Variants in ARRB1 observed in about 807,000 individuals in gnomAD.
ARRB1 encodes the protein arrestin beta 1.
Under a neutral mutation model 56.8 loss-of-function variants are expected in ARRB1, and 21 were observed. The ratio of observed to expected loss-of-function variants is 0.37; its 90% CI spans 0.26 to 0.53. The LOEUF (loss-of-function observed/expected upper bound fraction) is 0.53, where lower values mean the gene tolerates loss of function less well. ARRB1 is among the 20% of genes least tolerant of loss of function. ARRB1 has a pLI of 0.88. For synonymous variants in ARRB1, 210 were observed against 218.6 expected, an observed-to-expected ratio of 0.96 and a Z score of 0.35; for missense variants, 424 against 553.7, an observed-to-expected ratio of 0.77 and a Z score of 2.35.
chr11:75,316,391 G>A (rs112192657), intron 1 of ARRB1, among the ~76,000 whole-genome samples: 6 of 152,096 alleles, frequency 3.9e-5, no homozygotes, highest in Non-Finnish European at 7.4e-5. Flanking sequence ...AGAGGTGATC[G>A]GCTTCGTTTT....
chr11:75,310,525 C>T (rs1424846882), intron 1 of ARRB1, among the ~76,000 whole-genome samples: 4 of 152,182 alleles, frequency 2.6e-5, no homozygotes, highest in Admixed American at 6.5e-5. Context: ...TGTATCCAAC[C>T]GGCACCAGGC....
At chr11:75,300,188 G>A (rs1262265028) in intron 1 of ARRB1, among the ~76,000 whole-genome samples, 2 of 121,840 alleles carry the variant, frequency 1.6e-5, no homozygotes, top group Admixed American at 1.0e-4. Flanking sequence ...GGGCAACACA[G>A]TGAGACTCTG....
intron 1 of ARRB1, among the ~76,000 whole-genome samples, chr11:75,336,127 G>A (rs1947599455): frequency 6.6e-6 from 1 of 152,166 alleles, no homozygotes; most frequent in South Asian, 2.1e-4. Context: ...AGAAGGCAGT[G>A]GGCAGGCACG....
At chr11:75,296,907 A>G (rs1006453508) in intron 1 of ARRB1, among the ~76,000 whole-genome samples, 4 of 152,028 alleles carry the variant, frequency 2.6e-5, no homozygotes, top group Non-Finnish European at 5.9e-5. Context: ...CGAACTTCTA[A>G]GCTCTGCCTC....
chr11:75,301,777 T>C (rs563537412), intron 1 of ARRB1, among the ~76,000 whole-genome samples: 14 of 152,152 alleles, frequency 9.2e-5, no homozygotes, highest in Non-Finnish European at 1.8e-4. Context: ...GCAGAGTTAT[T>C]TGTGTACCGG....
At chr11:75,307,804 T>G (rs1947065130) in intron 1 of ARRB1, among the ~76,000 whole-genome samples, 1 of 152,214 alleles carries the variant, frequency 6.6e-6, no homozygotes, top group Non-Finnish European at 1.5e-5. Flanking sequence ...GCTGTGTGTC[T>G]GGGCAGAGGC....
chr11:75,312,838 C>A (rs1947191055), intron 1 of ARRB1, among the ~76,000 whole-genome samples: 1 of 152,210 alleles, frequency 6.6e-6, no homozygotes. Context: ...TTCTGGAAGC[C>A]AGCAGAGGCA....
rs1220126671 is a variant in ARRB1, at chr11:75,262,732, A to C, written c.*3431T>G. Among the ~76,000 whole-genome samples the C allele has an allele frequency of 6.6e-6, 1 of 152,218 alleles. No homozygotes were observed. Among genetic ancestry groups the C allele is most frequent in the African/African-American group, 2.4e-5 (1 of 41,460 alleles). On this transcript the variant is annotated 3_prime_UTR_variant, in exon 16 of 16. Transcript: ENST00000420843. ...CCCCAGAGGTTGAGTAGCTTGCCCAAGCCCCCCAGGTGGTTGGTGACAGGC... is the reference window on the plus strand; with the variant it reads ...CCCCAGAGGTTGAGTAGCTTGCCCACGCCCCCCAGGTGGTTGGTGACAGGC...
rs183499156 is a variant in ARRB1, at chr11:75,315,284, C to T, written c.21-25245G>A. ...TGCAACCTCCTCCTGGTGACCACCT[C>T]GCTATGGGACAGCCAGACAGAAGCC... is the stretch of plus-strand genomic sequence containing the variant. On this transcript the variant is annotated intron_variant, in intron 1 of 15. Coordinates refer to ENST00000420843, the MANE Select transcript of ARRB1 (RefSeq NM_004041.5). Among the ~76,000 whole-genome samples the T allele has an allele frequency of 5.1e-3, 780 of 152,166 alleles. 7 individuals carry two copies. Among genetic ancestry groups the T allele is most frequent in the African/African-American group, 0.018 (743 of 41,510 alleles).
At chr11:75,277,557 G>A (rs919838988) in intron 8 of ARRB1, 109 bp from the exon 9 acceptor site, 14 of 979,524 alleles carry the variant, frequency 1.4e-5, no homozygotes, top group African/African-American at 6.4e-5. Flanking sequence ...CAGACCTTGC[G>A]CAGACCTTCA....
intron 1 of ARRB1, among the ~76,000 whole-genome samples, chr11:75,327,904 A>G (rs1198320184): frequency 6.6e-6 from 1 of 152,212 alleles, no homozygotes. Context: ...GGAGTTTGAC[A>G]GCAGCCTGGG....
chr11:75,269,953 C>T (rs1416955273), intron 13 of ARRB1, among the ~76,000 whole-genome samples: 1 of 152,230 alleles, frequency 6.6e-6, no homozygotes, highest in African/African-American at 2.4e-5. Context: ...CAGGCACAAG[C>T]CACATCCCAC....
At position 75,327,599 on chromosome 11, in the gene ARRB1, G is replaced by GGT. The variant is rs55710203; in HGVS notation, c.20+23988_20+23989insAC. ...TTGTTTTGTTTTGTTTTTTGTTTTT[G>GGT]TTTTTTTTTTTTGAGTCTTGCTCTT... On this transcript the variant is annotated intron_variant, in intron 1 of 15. Coordinates refer to ENST00000420843, the MANE Select transcript of ARRB1 (RefSeq NM_004041.5). 4.2e-4 allele frequency among the ~76,000 whole-genome samples: 62 copies of GGT among 146,686 alleles called. 3 individuals carry two copies. The highest frequency in any genetic ancestry group is 1.3e-3 in the South Asian group (6 of 4,666).
intron 13 of ARRB1, among the ~76,000 whole-genome samples, chr11:75,270,394 C>T (rs553618252): frequency 1.4e-4 from 22 of 152,146 alleles, no homozygotes; most frequent in Non-Finnish European, 3.1e-4. Flanking sequence ...CTTTGGGAGG[C>T]CGAGGCGGGT....
intron 1 of ARRB1, chr11:75,312,023 C>T (rs1365819719): frequency 3.1e-6 from 4 of 1,287,394 alleles, no homozygotes; most frequent in Non-Finnish European, 3.0e-6. Context: ...AGATCGGAGG[C>T]CCTGCCCAGC....
At chr11:75,284,111 T>A in intron 4 of ARRB1, 124 bp downstream of exon 4, 1 of 1,000,772 alleles carries the variant, frequency 1.0e-6, no homozygotes. Context: ...CAACGGCATC[T>A]GTAGAGGTAT....
rs1945865560 is a variant in ARRB1 at position 75,264,437 on chromosome 11, G to C, written c.*1726C>G. 1 of 152,254 alleles carries C rather than the reference G, an allele frequency of 6.6e-6. No homozygotes were observed. Among genetic ancestry groups the C allele is most frequent in the Admixed American group, 6.5e-5 (1 of 15,286 alleles). The allele number at this position is 152,254 out of a possible 1,614,324, so 9.4% of individuals were successfully genotyped here. On this transcript the variant is annotated 3_prime_UTR_variant, in exon 16 of 16. Transcript: ENST00000420843. ...CTCAGGGTGTCTGTGCCCACAGGGG[G>C]CTGTGAGGTACTGCAAGCCCTATCA... is the stretch of plus-strand genomic sequence containing the variant.
Position 75,274,058 on chromosome 11 carries a change from G to A in ARRB1, c.914+16C>T, listed in dbSNP as rs764098470. 27 of 1,614,144 alleles carry A rather than the reference G, an allele frequency of 1.7e-5. No homozygotes were observed. The highest frequency in any genetic ancestry group is 2.3e-5 in the Non-Finnish European group (27 of 1,180,000). On this transcript the variant is annotated intron_variant, in intron 11 of 15. Transcript: ENST00000420843. Reference sequence around the variant, plus strand: ...AGATGCACTAGGAGCCCAGGGCTAGGAGGGCAGGTCCTCACAGGGTGCTAG... The same window carrying A: ...AGATGCACTAGGAGCCCAGGGCTAGAAGGGCAGGTCCTCACAGGGTGCTAG...
rs937279628 is a variant in ARRB1, at chr11:75,263,095, A to T, written c.*3068T>A. ...AGTCCCAGTGACGGATGGCTTGGCC[A>T]GTGCAGGCCCCAAACACTTGGCAGA... is the stretch of plus-strand genomic sequence containing the variant. On this transcript the variant is annotated 3_prime_UTR_variant, in exon 16 of 16. Coordinates refer to ENST00000420843, the MANE Select transcript of ARRB1 (RefSeq NM_004041.5). Among the ~76,000 whole-genome samples the T allele has an allele frequency of 6.6e-6, 1 of 152,220 alleles. No homozygotes were observed. Among genetic ancestry groups the T allele is most frequent in the Non-Finnish European group, 1.5e-5 (1 of 68,038 alleles).
Sources: gnomAD v4.1 joint callset for allele counts (sites outside exome capture counted in the v4.1 genomes callset) on GRCh38, gnomAD v4.1.1 for gene constraint, MANE v1.5 for transcripts, NCBI Gene and HGNC (gene_info 2026-07-23, HGNC 2026-07-21) for gene names.